RORA: variants seen among roughly 807,000 people sequenced by gnomAD.
The protein encoded by RORA is nuclear receptor ROR-alpha.
RORA carries 7 observed loss-of-function variants against 69.5 expected under a neutral mutation model. The observed-to-expected ratio is 0.10, with a 90% CI of 0.06 to 0.19. The LOEUF is 0.19. RORA is among the 10% of genes least tolerant of loss of function. The probability of loss-of-function intolerance (pLI) is 1.00; values close to 1 mark genes in which losing one functional copy is unlikely to be tolerated. For synonymous variants in RORA, 261 were observed against 240.8 expected (o/e 1.08, Z -0.78); for missense variants, 457 against 663.0 (o/e 0.69, Z 3.41).
chr15:60,581,450 G>A (rs549304794), intron 2 of RORA, among the ~76,000 whole-genome samples: 6 of 152,248 alleles, frequency 3.9e-5, no homozygotes, highest in South Asian at 2.1e-4. Context: ...TTGATGTTAC[G>A]GATGCAACTT....
At chr15:60,978,089 A>T (rs930843529) in intron 1 of RORA, among the ~76,000 whole-genome samples, 1 of 152,110 alleles carries the variant, frequency 6.6e-6, no homozygotes, top group Non-Finnish European at 1.5e-5. Flanking sequence ...AATGATTACG[A>T]GTTCTAATTA....
intron 1 of RORA, among the ~76,000 whole-genome samples, chr15:61,135,736 G>A (rs1265113658): frequency 6.6e-6 from 1 of 152,170 alleles, no homozygotes; most frequent in Non-Finnish European, 1.5e-5. Context: ...GAACTAAGAG[G>A]TAGGTAGATA....
intron 3 of RORA, among the ~76,000 whole-genome samples, chr15:60,522,461 A>G (rs2066201327): frequency 6.6e-6 from 1 of 151,998 alleles, no homozygotes; most frequent in Non-Finnish European, 1.5e-5. Context: ...TGTAATCCCA[A>G]TACTTTGAGA....
At chr15:60,754,640 C>T (rs1186076490) in intron 1 of RORA, among the ~76,000 whole-genome samples, 4 of 152,194 alleles carry the variant, frequency 2.6e-5, no homozygotes, top group African/African-American at 9.6e-5. Context: ...TACATGTCCA[C>T]AATACCTCTG....
intron 1 of RORA, among the ~76,000 whole-genome samples, chr15:60,923,906 C>A (rs1282249747): frequency 3.3e-5 from 5 of 152,204 alleles, no homozygotes; most frequent in Non-Finnish European, 5.9e-5. Context: ...GGCTCAGAAG[C>A]CTTCTCTTTC....
chr15:60,805,626 T>C (rs2072649215), intron 1 of RORA, among the ~76,000 whole-genome samples: 1 of 152,174 alleles, frequency 6.6e-6, no homozygotes, highest in African/African-American at 2.4e-5. Flanking sequence ...TAGCACTCAA[T>C]CCATGTTAGC....
rs1280372806 is a variant in RORA, at chr15:60,662,972, G to GCA, written c.196+15684_196+15685insTG. 2.0e-5 allele frequency among the ~76,000 whole-genome samples: 3 copies of GCA among 152,124 alleles called. No homozygotes were observed. In the East Asian group the frequency reaches 5.8e-4, roughly 29 times the overall value. Reference sequence around the variant, plus strand: ...GTGGAGCTGCCTTGCCCAAGGTTATGCCCTTAGGTGCAGCTGGCACCCAAT... The same window carrying GCA: ...GTGGAGCTGCCTTGCCCAAGGTTATGCACCCTTAGGTGCAGCTGGCACCCAAT... On this transcript the variant is annotated intron_variant, in intron 2 of 10. Coordinates refer to ENST00000335670, the MANE Select transcript of RORA (RefSeq NM_134261.3).
intron 1 of RORA, among the ~76,000 whole-genome samples, chr15:61,168,455 C>T (rs1312966251): frequency 3.3e-5 from 5 of 152,068 alleles, no homozygotes; most frequent in African/African-American, 7.2e-5. Flanking sequence ...GACAGGGTTT[C>T]GCCATGTTAG....
intron 10 of RORA, among the ~76,000 whole-genome samples, chr15:60,498,214 C>T (rs2065222271): frequency 6.6e-6 from 1 of 152,102 alleles, no homozygotes; most frequent in African/African-American, 2.4e-5. Flanking sequence ...CATACAGAAC[C>T]CAAGGCTCTT....
At chr15:60,903,074 T>A (rs1468518800) in intron 1 of RORA, among the ~76,000 whole-genome samples, 1 of 152,228 alleles carries the variant, frequency 6.6e-6, no homozygotes, top group East Asian at 1.9e-4. Context: ...GACACTATCT[T>A]GACCTTTCTG....
chr15:61,191,609 T>G (rs1363918513), intron 1 of RORA, among the ~76,000 whole-genome samples: 1 of 152,218 alleles, frequency 6.6e-6, no homozygotes, highest in Non-Finnish European at 1.5e-5. Context: ...CATCTTCCCC[T>G]CTATCGTTCC....
In RORA at chr15:61,131,342, T is replaced by C. The variant is rs1314487519; in HGVS notation, c.166+97711A>G. ...TGTTTTAAAAGTTTTGAATTGTCTG[T>C]AGAAAATAAATCTAGACTCTTTCAT... On this transcript the variant is annotated intron_variant, in intron 1 of 10. Coordinates refer to ENST00000335670, the MANE Select transcript of RORA (RefSeq NM_134261.3). The surrounding 1 kb of genome is among the most constrained non-coding windows in gnomAD (Gnocchi z 4.2). 6.6e-6 allele frequency among the ~76,000 whole-genome samples: 1 copy of C among 152,268 alleles called. No individual in the cohort carries two copies. Among genetic ancestry groups the C allele is most frequent in the Admixed American group, 6.5e-5 (1 of 15,292 alleles).
intron 8 of RORA, among the ~76,000 whole-genome samples, chr15:60,502,396 A>G (rs953776233): frequency 6.6e-6 from 1 of 152,180 alleles, no homozygotes; most frequent in Non-Finnish European, 1.5e-5. Context: ...TGGAAGGGCA[A>G]AGCTTTTGCC....
At chr15:61,020,203 T>C (rs1282299655) in intron 1 of RORA, among the ~76,000 whole-genome samples, 1 of 152,186 alleles carries the variant, frequency 6.6e-6, no homozygotes, top group East Asian at 1.9e-4. Flanking sequence ...TCCCTTCTCT[T>C]TAGGACTCCA....
At chr15:61,141,426 C>G (rs532047982) in intron 1 of RORA, among the ~76,000 whole-genome samples, 1 of 152,028 alleles carries the variant, frequency 6.6e-6, no homozygotes, top group Non-Finnish European at 1.5e-5. Context: ...TTAGGACTAG[C>G]GAGAGACACC....
intron 1 of RORA, among the ~76,000 whole-genome samples, chr15:61,205,703 G>A (rs924296880): frequency 7.2e-5 from 11 of 152,172 alleles, no homozygotes; most frequent in African/African-American, 1.7e-4. Flanking sequence ...AATCTCTAGG[G>A]GCAGCTGTGG....
chr15:60,677,620 TAGAC>T (rs928848870), intron 2 of RORA, among the ~76,000 whole-genome samples: 56 of 151,078 alleles, frequency 3.7e-4, no homozygotes, highest in Non-Finnish European at 6.5e-4. Context: ...CAAATACAGA[TAGAC>T]AGACAGACAA....
At chr15:60,715,766 A>G (rs923942561) in intron 1 of RORA, among the ~76,000 whole-genome samples, 1 of 152,186 alleles carries the variant, frequency 6.6e-6, no homozygotes, top group East Asian at 1.9e-4. Flanking sequence ...AACTGTATGC[A>G]TGTACACAAA....
chr15:60,593,223 C>T (rs1037455805), intron 2 of RORA: 5 of 191,440 alleles, frequency 2.6e-5, no homozygotes, highest in Non-Finnish European at 5.4e-5. Context: ...CTACACCTGT[C>T]CCCCCCAACC....
Sources: gnomAD v4.1 joint callset for allele counts (sites outside exome capture counted in the v4.1 genomes callset) on GRCh38, gnomAD v4.1.1 for gene constraint, Gnocchi (gnomAD v3.1) non-coding constraint, MANE v1.5 for transcripts, NCBI Gene and HGNC (gene_info 2026-07-23, HGNC 2026-07-21) for gene names.